The following SDK1 variants were observed in gnomAD, a reference collection of about 807,000 sequenced individuals.
SDK1 encodes sidekick cell adhesion molecule 1.
In SDK1, 157 loss-of-function variants were observed where a neutral mutation model predicts 245.5. The observed-to-expected ratio is 0.64, with a 90% CI of 0.56 to 0.73. The LOEUF (loss-of-function observed/expected upper bound fraction) is 0.73, where lower values mean the gene tolerates loss of function less well. Ranked by LOEUF, SDK1 falls within the 30% of genes least tolerant of loss-of-function variation. The pLI is 0.00. For synonymous variants in SDK1, 1,647 were observed against 1,278.5 expected (o/e 1.29, Z -6.15); for missense variants, 3,583 against 3,002.3 (o/e 1.19, Z -4.52).
At chr7:4,007,947 A>G (rs1785618794) in intron 14 of SDK1, among the ~76,000 whole-genome samples, 1 of 152,192 alleles carries the variant, frequency 6.6e-6, no homozygotes, top group African/African-American at 2.4e-5. Context: ...ACCATTTGTA[A>G]GTGCACGGCT....
intron 42 of SDK1, among the ~76,000 whole-genome samples, chr7:4,238,368 C>G (rs531644523): frequency 6.6e-6 from 1 of 152,148 alleles, no homozygotes; most frequent in South Asian, 2.1e-4. Flanking sequence ...ACGTGAGCCA[C>G]GGTGCCCAAC....
intron 4 of SDK1, among the ~76,000 whole-genome samples, chr7:3,667,663 C>T (rs926805606): frequency 1.3e-5 from 2 of 152,204 alleles, no homozygotes; most frequent in Non-Finnish European, 2.9e-5. Flanking sequence ...TATAGTTTTG[C>T]ATTTTCTAAA....
At chr7:3,474,878 G>C (rs142872912) in intron 1 of SDK1, among the ~76,000 whole-genome samples, 1 of 152,210 alleles carries the variant, frequency 6.6e-6, no homozygotes, top group African/African-American at 2.4e-5. Context: ...TTTTTGTAGA[G>C]ACAGGGTCTC....
intron 1 of SDK1, among the ~76,000 whole-genome samples, chr7:3,593,079 C>A (rs934360075): frequency 6.6e-6 from 1 of 152,180 alleles, no homozygotes; most frequent in Non-Finnish European, 1.5e-5. Flanking sequence ...TGCCTCTGTC[C>A]TGCTAATGGG....
chr7:4,223,229 T>C (rs1369961275), intron 40 of SDK1, among the ~76,000 whole-genome samples: 5 of 152,100 alleles, frequency 3.3e-5, no homozygotes, highest in Non-Finnish European at 7.3e-5. Context: ...ATTCAGGAGA[T>C]CCGTGAGCTT....
intron 1 of SDK1, among the ~76,000 whole-genome samples, chr7:3,476,598 C>G (rs996246269): frequency 7.2e-5 from 11 of 152,128 alleles, no homozygotes; most frequent in African/African-American, 1.9e-4. Context: ...TCTACCTATG[C>G]CATTGTTTTT....
At chr7:4,064,649 C>T (rs1562753685) in intron 19 of SDK1, among the ~76,000 whole-genome samples, 1 of 152,130 alleles carries the variant, frequency 6.6e-6, no homozygotes, top group African/African-American at 2.4e-5. Context: ...AGCCAAGATA[C>T]GGAATCAACC....
chr7:3,318,397 ATC>A (rs1562410036), intron 1 of SDK1, among the ~76,000 whole-genome samples: 1 of 152,174 alleles, frequency 6.6e-6, no homozygotes, highest in Non-Finnish European at 1.5e-5. Context: ...AGCAGAGTTA[ATC>A]TCTCTCTCAC....
chr7:3,309,960 T>C (rs1275156156), intron 1 of SDK1, among the ~76,000 whole-genome samples: 2 of 152,178 alleles, frequency 1.3e-5, no homozygotes, highest in Non-Finnish European at 2.9e-5. Flanking sequence ...AAAAAGGATT[T>C]TATTGTAGGA....
chr7:3,435,464 G>A (rs1013226410), intron 1 of SDK1, among the ~76,000 whole-genome samples: 5 of 150,776 alleles, frequency 3.3e-5, no homozygotes, highest in African/African-American at 9.8e-5. Flanking sequence ...CTGAGTAGCT[G>A]GGACTACAGG....
intron 16 of SDK1, among the ~76,000 whole-genome samples, chr7:4,012,692 G>A (rs141019721): frequency 1.3e-5 from 2 of 149,608 alleles, no homozygotes; most frequent in East Asian, 4.0e-4. Context: ...TCCTGCCTCA[G>A]CCTCCCGAGT....
chr7:4,008,408 G>C (rs1048121549), intron 14 of SDK1, among the ~76,000 whole-genome samples: 2 of 152,270 alleles, frequency 1.3e-5, no homozygotes, highest in Non-Finnish European at 2.9e-5. Flanking sequence ...TCCTTGGCCA[G>C]TCGCCATGAC....
intron 4 of SDK1, among the ~76,000 whole-genome samples, chr7:3,687,843 T>C (rs545983962): frequency 6.6e-6 from 1 of 152,342 alleles, no homozygotes; most frequent in East Asian, 1.9e-4. Context: ...TGCTGTTCTA[T>C]ACTTCCGTAA....
intron 2 of SDK1, among the ~76,000 whole-genome samples, chr7:3,628,598 G>C (rs891988086): frequency 6.6e-6 from 1 of 152,252 alleles, no homozygotes; most frequent in South Asian, 2.1e-4. Flanking sequence ...GGGATACGTG[G>C]CTTATGTGAA....
chr7:3,830,530 C>G (rs1163173852), intron 5 of SDK1, among the ~76,000 whole-genome samples: 1 of 152,134 alleles, frequency 6.6e-6, no homozygotes, highest in Non-Finnish European at 1.5e-5. Context: ...GGGTCTTGCT[C>G]TGTCACCCAG....
chr7:3,459,608 T>C (rs891632557), intron 1 of SDK1, among the ~76,000 whole-genome samples: 1 of 152,198 alleles, frequency 6.6e-6, no homozygotes, highest in African/African-American at 2.4e-5. Context: ...GTAGAATGTA[T>C]TGGCTCTCTT....
At chr7:4,031,274 G>C (rs1181900102) in intron 17 of SDK1, among the ~76,000 whole-genome samples, 2 of 152,014 alleles carry the variant, frequency 1.3e-5, no homozygotes, top group Non-Finnish European at 2.9e-5. Flanking sequence ...AAAATCTAAA[G>C]CCAAAATAAT....
rs983377610 is a variant in SDK1 at position 4,040,663 on chromosome 7, A to T, written c.2603-8685A>T. Among the ~76,000 whole-genome samples the T allele has an allele frequency of 2.6e-5, 4 of 152,204 alleles. No individual in the cohort carries two copies. The East Asian group carries it at 7.7e-4, about 29-fold the overall frequency. Reference sequence around the variant, plus strand: ...TAGGGCATGAAAGATTGGTCAGACCAGGTGTGCCATTTGCATAAGGCACAA... The same window carrying T: ...TAGGGCATGAAAGATTGGTCAGACCTGGTGTGCCATTTGCATAAGGCACAA... On this transcript the variant is annotated intron_variant, in intron 17 of 44. Transcript: ENST00000404826.
At chr7:3,661,462 C>T (rs755086615) in intron 4 of SDK1, among the ~76,000 whole-genome samples, 1 of 152,084 alleles carries the variant, frequency 6.6e-6, no homozygotes, top group Admixed American at 6.6e-5. Context: ...GTGTAGTACC[C>T]CGCCTTCATC....
Sources: allele counts gnomAD v4.1 joint callset (sites outside exome capture counted in the v4.1 genomes callset), GRCh38; gene constraint gnomAD v4.1.1; transcripts MANE v1.5; gene names NCBI Gene and HGNC (gene_info 2026-07-23, HGNC 2026-07-21).